NEMP2: variants seen among roughly 807,000 people sequenced by gnomAD.
The protein encoded by NEMP2 is nuclear envelope integral membrane protein 2, also known as UPF0571 transmembrane protein.
Under a neutral mutation model 54.2 loss-of-function variants are expected in NEMP2, and 53 were observed. The ratio of observed to expected loss-of-function variants is 0.98; its 90% CI spans 0.78 to 1.23. The LOEUF (loss-of-function observed/expected upper bound fraction) is 1.23, where lower values mean the gene tolerates loss of function less well. NEMP2 is among the 50% of genes most tolerant of loss of function. NEMP2 has a pLI of 0.00. For synonymous variants in NEMP2, 197 were observed against 190.3 expected, an observed-to-expected ratio of 1.04 and a Z score of -0.29; for missense variants, 455 against 511.3, an observed-to-expected ratio of 0.89 and a Z score of 1.06.
At chr2:190,451,878 T>C in the NEMP2 span, among the ~76,000 whole-genome samples, 1 of 152,266 alleles carries the variant, frequency 6.6e-6, no homozygotes, top group Admixed American at 6.5e-5. The surrounding 1 kb of genome is among the most constrained non-coding windows in gnomAD (Gnocchi z 5.0). Flanking sequence ...TCTGCTTTTA[T>C]GTTTTTTGAA....
At chr2:190,482,554 A>G in the NEMP2 span, among the ~76,000 whole-genome samples, 192 of 152,272 alleles carry the variant, frequency 1.3e-3, 1 homozygote, top group African/African-American at 4.4e-3. Context: ...AAGAAAAACA[A>G]AACAATCCTA....
chr2:190,642,947 A>C, the NEMP2 span, among the ~76,000 whole-genome samples: 1 of 151,446 alleles, frequency 6.6e-6, no homozygotes, highest in Non-Finnish European at 1.5e-5. The surrounding 1 kb of genome is among the most constrained non-coding windows in gnomAD (Gnocchi z 4.1). Context: ...AAATGTCAAA[A>C]TCACTACCAA....
At position 190,508,993 on chromosome 2, in the gene NEMP2, C is replaced by T. The variant is rs3811610; in HGVS notation, c.*196G>A. 0.017 allele frequency: 13,093 copies of T among 756,696 alleles called. 288 individuals are homozygous for T. Among genetic ancestry groups the T allele is most frequent in the East Asian group, 0.097 (3,432 of 35,202 alleles). The allele number at this position is 756,696 out of a possible 1,614,324, so 46.9% of individuals were successfully genotyped here. A position where few individuals can be genotyped will look rare whatever the true frequency, so the allele number is the denominator to read the frequency against. Reference sequence around the variant, plus strand: ...AGAATTTTGGTATCCACCTACAGTACAATAAGTAGCAGAAGTCACCAAGAA... The same window carrying T: ...AGAATTTTGGTATCCACCTACAGTATAATAAGTAGCAGAAGTCACCAAGAA... On this transcript the variant is annotated 3_prime_UTR_variant, in exon 9 of 9. Coordinates refer to ENST00000409150, the MANE Select transcript of NEMP2 (RefSeq NM_001142645.2). The surrounding 1 kb of genome is among the most constrained non-coding windows in gnomAD (Gnocchi z 4.3).
the NEMP2 span, chr2:190,608,271 C>A: frequency 1.2e-4 from 19 of 152,042 alleles, no homozygotes; most frequent in African/African-American, 4.6e-4. The surrounding 1 kb of genome is among the most constrained non-coding windows in gnomAD (Gnocchi z 4.9). Flanking sequence ...GTGATGCTGG[C>A]AATTCGTATA....
At chr2:190,450,032 A>T in the NEMP2 span, among the ~76,000 whole-genome samples, 54 of 151,896 alleles carry the variant, frequency 3.6e-4, no homozygotes, top group East Asian at 5.4e-3. Flanking sequence ...AAATAAAATT[A>T]AAAAAAAGAA....
upstream of NEMP2, among the ~76,000 whole-genome samples, chr2:190,537,106 G>A (rs1010610901): frequency 6.6e-6 from 1 of 152,006 alleles, no homozygotes; most frequent in African/African-American, 2.4e-5. Flanking sequence ...TAGTGGAAAA[G>A]GTGAACAATA....
the NEMP2 span, among the ~76,000 whole-genome samples, chr2:190,577,313 G>T: frequency 1.3e-5 from 2 of 151,954 alleles, no homozygotes; most frequent in African/African-American, 4.8e-5. This position sits in a 1 kb window ranked among gnomAD's most constrained non-coding sequence, Gnocchi z 4.8. Context: ...TGGTCCCATT[G>T]GTATCTTTTT....
At chr2:190,487,685 A>G in the NEMP2 span, among the ~76,000 whole-genome samples, 1 of 152,212 alleles carries the variant, frequency 6.6e-6, no homozygotes, top group Non-Finnish European at 1.5e-5. The surrounding 1 kb of genome is among the most constrained non-coding windows in gnomAD (Gnocchi z 5.5). Flanking sequence ...AAAGCAAATC[A>G]ACAACATGAG....
the NEMP2 span, among the ~76,000 whole-genome samples, chr2:190,443,336 T>C: frequency 6.6e-6 from 1 of 152,218 alleles, no homozygotes; most frequent in African/African-American, 2.4e-5. The surrounding 1 kb of genome is among the most constrained non-coding windows in gnomAD (Gnocchi z 4.2). Context: ...TATCTATAAA[T>C]AGGGATATTA....
At chr2:190,545,342 A>G in the NEMP2 span, among the ~76,000 whole-genome samples, 51 of 152,258 alleles carry the variant, frequency 3.3e-4, no homozygotes, top group Non-Finnish European at 1.8e-4. Context: ...GCCATTCTCT[A>G]CTATCTAGCG....
At chr2:190,441,481 G>A in the NEMP2 span, among the ~76,000 whole-genome samples, 1 of 151,908 alleles carries the variant, frequency 6.6e-6, no homozygotes. Flanking sequence ...AAGGAGGAGG[G>A]GCGGGGGTTG....
chr2:190,594,818 T>C, the NEMP2 span, among the ~76,000 whole-genome samples: 2 of 152,332 alleles, frequency 1.3e-5, no homozygotes. The surrounding 1 kb of genome is among the most constrained non-coding windows in gnomAD (Gnocchi z 5.6). Flanking sequence ...AGTCTTTACA[T>C]AAACATTTTG....
At chr2:190,599,859 C>T in the NEMP2 span, among the ~76,000 whole-genome samples, 5 of 152,142 alleles carry the variant, frequency 3.3e-5, no homozygotes, top group Admixed American at 1.3e-4. Context: ...TGCAGTGCCC[C>T]ATCCCCCCAT....
chr2:190,495,087 A>G, the NEMP2 span, among the ~76,000 whole-genome samples: 2 of 152,192 alleles, frequency 1.3e-5, no homozygotes, highest in Non-Finnish European at 2.9e-5. The surrounding 1 kb of genome is among the most constrained non-coding windows in gnomAD (Gnocchi z 4.7). Flanking sequence ...ATAAGATTGT[A>G]TACCTAGAAA....
At chr2:190,524,507 C>T (rs115725516) in intron 2 of NEMP2, among the ~76,000 whole-genome samples, 59 of 152,282 alleles carry the variant, frequency 3.9e-4, no homozygotes, top group Non-Finnish European at 7.5e-4. Context: ...AATGTTCCAG[C>T]TATTCTCTCA....
the NEMP2 span, among the ~76,000 whole-genome samples, chr2:190,644,737 T>A: frequency 6.6e-6 from 1 of 151,748 alleles, no homozygotes; most frequent in East Asian, 1.9e-4. This position sits in a 1 kb window ranked among gnomAD's most constrained non-coding sequence, Gnocchi z 4.4. Flanking sequence ...GACAGCGCGG[T>A]CTACTTGAGG....
At chr2:190,624,191 TA>T in the NEMP2 span, among the ~76,000 whole-genome samples, 1 of 151,978 alleles carries the variant, frequency 6.6e-6, no homozygotes, top group South Asian at 2.1e-4. Flanking sequence ...CAACAGGTAT[TA>T]AAAAAATGGT....
At position 190,514,496 on chromosome 2, in the gene NEMP2, AG is replaced by A; in HGVS notation, c.909del (p.Trp304GlyfsTer7). On this transcript the variant is annotated frameshift_variant, in exon 7 of 9. Transcript: ENST00000409150. LOFTEE classifies it high-confidence loss of function. This position sits in a 1 kb window ranked among gnomAD's most constrained non-coding sequence, Gnocchi z 5.7. ...AYAAIILLMS[S>X]WSLHYPLRAC... ...GCTCTCAGTGGGTAGTGCAGACTCC[AG>A]GAGGACATGAGGAGGATTATGGCTG... The A allele has an allele frequency of 6.4e-7, 1 of 1,551,678 alleles. No homozygotes were observed. Among genetic ancestry groups the A allele is most frequent in the African/African-American group, 1.4e-5 (1 of 73,194 alleles).
At chr2:190,613,464 C>A in the NEMP2 span, among the ~76,000 whole-genome samples, 3 of 152,118 alleles carry the variant, frequency 2.0e-5, no homozygotes, top group Non-Finnish European at 2.9e-5. Flanking sequence ...AGTTTTGTAG[C>A]CTCTACGCCA....
Sources: gnomAD v4.1 joint callset for allele counts (sites outside exome capture counted in the v4.1 genomes callset) on GRCh38, gnomAD v4.1.1 for gene constraint, Gnocchi (gnomAD v3.1) non-coding constraint, MANE v1.5 for transcripts, NCBI Gene and HGNC (gene_info 2026-07-23, HGNC 2026-07-21) for gene names.